The following ART3 variants were observed in gnomAD, a reference collection of about 807,000 sequenced individuals.
ART3 encodes ecto-ADP-ribosyltransferase 3.
ART3 carries 49 observed loss-of-function variants against 48.5 expected under a neutral mutation model. The observed-to-expected ratio is 1.01, with a 90% CI of 0.80 to 1.28. ART3 has a LOEUF of 1.28. ART3 is among the 50% of genes most tolerant of loss of function. The pLI is 0.00. For synonymous variants in ART3, 145 were observed against 157.2 expected, an observed-to-expected ratio of 0.92 and a Z score of 0.58; for missense variants, 438 against 454.3, an observed-to-expected ratio of 0.96 and a Z score of 0.33.
chr4:76,066,955 A>G (rs1479847337), intron 1 of ART3, among the ~76,000 whole-genome samples: 1 of 152,112 alleles, frequency 6.6e-6, no homozygotes, highest in Non-Finnish European at 1.5e-5. Context: ...CCAAGAGTGC[A>G]GGGATACCTG....
In ART3 at chr4:76,046,154, G is replaced by A. The variant is rs190432401; in HGVS notation, c.-9-29727G>A. Among the ~76,000 whole-genome samples, 29 of 152,138 alleles carry A rather than the reference G, an allele frequency of 1.9e-4. No homozygotes were observed. In the East Asian group the frequency reaches 5.6e-3, roughly 29 times the overall value. The stretch of plus-strand genomic sequence containing the variant: ...GGCCAGTGCCTGACCAAACAGATGA[G>A]GGCTATCCCTAAACCCTTGGGGCAA... On this transcript the variant is annotated intron_variant, in intron 1 of 9. Transcript: ENST00000341029.
rs374553161 is a variant in ART3, at chr4:76,080,677, AT to A, written c.70-1142del. 1.9e-3 allele frequency among the ~76,000 whole-genome samples: 281 copies of A among 151,326 alleles called. 1 individual carries two copies. Among genetic ancestry groups the A allele is most frequent in the African/African-American group, 6.5e-3 (266 of 41,142 alleles). On this transcript the variant is annotated intron_variant, in intron 2 of 11. Transcript: ENST00000355810. ...AGGCGCCTGCCACTACGCTCAGCTA[AT>A]TTTTGTATTTTTAGTAGAGATGGGG...
chr4:76,031,676 C>G lies in ART3; in HGVS notation c.-10+20356C>G, dbSNP rs142744595. Among the ~76,000 whole-genome samples the G allele has an allele frequency of 2.1e-3, 323 of 152,322 alleles. 5 individuals carry two copies. The highest frequency in any genetic ancestry group is 6.8e-3 in the Middle Eastern group (2 of 294). ...AAAAATCACTTTATACTTCCTACTACTGTACATTCCCTTGTGTCATTCCTC... is the reference window on the plus strand; with the variant it reads ...AAAAATCACTTTATACTTCCTACTAGTGTACATTCCCTTGTGTCATTCCTC... On this transcript the variant is annotated intron_variant, in intron 1 of 9. Coordinates refer to the ART3 transcript ENST00000341029.
At chr4:76,021,078 A>C (rs1732761145) in intron 1 of ART3, 1 of 152,218 alleles carries the variant, frequency 6.6e-6, no homozygotes, top group Non-Finnish European at 1.5e-5. Flanking sequence ...TTTCTTATGA[A>C]ATAAATATCC....
chr4:76,047,904 C>A (rs6816898), intron 1 of ART3, among the ~76,000 whole-genome samples: 89,651 of 151,622 alleles, frequency 0.59, 27,651 homozygotes, highest in East Asian at 0.94. Context: ...CTGTGTACCT[C>A]TCAGGATCAT....
At chr4:76,025,061 G>A (rs1345244937) in intron 1 of ART3, among the ~76,000 whole-genome samples, 1 of 152,162 alleles carries the variant, frequency 6.6e-6, no homozygotes, top group Non-Finnish European at 1.5e-5. Flanking sequence ...AAGTGAATAA[G>A]TCAGTGGAAT....
At chr4:76,031,639 A>G (rs981929737) in intron 1 of ART3, among the ~76,000 whole-genome samples, 1 of 152,224 alleles carries the variant, frequency 6.6e-6, no homozygotes, top group Admixed American at 6.5e-5. Context: ...AACGAATCTA[A>G]TTATGATTCC....
chr4:76,049,420 G>A lies in ART3; in HGVS notation c.-9-26461G>A, dbSNP rs183593678. ...CCGCAGGGTCAGCCAACATGTTGTCGGGACCTTGGAGCTGCATGGCTTTCC... is the reference window on the plus strand; with the variant it reads ...CCGCAGGGTCAGCCAACATGTTGTCAGGACCTTGGAGCTGCATGGCTTTCC... On this transcript the variant is annotated intron_variant, in intron 1 of 9. Coordinates refer to the ART3 transcript ENST00000341029. Among the ~76,000 whole-genome samples the A allele has an allele frequency of 1.1e-3, 164 of 151,866 alleles. 5 individuals are homozygous for A. Among genetic ancestry groups the A allele is most frequent in the African/African-American group, 3.6e-3 (151 of 41,498 alleles).
At chr4:76,087,636 G>A (rs1723903861) in intron 3 of ART3, among the ~76,000 whole-genome samples, 1 of 152,156 alleles carries the variant, frequency 6.6e-6, no homozygotes, top group African/African-American at 2.4e-5. Flanking sequence ...ACTTGCCTGT[G>A]ATTTCCAAGA....
At chr4:76,089,623 A>G (rs778589487) in intron 3 of ART3, among the ~76,000 whole-genome samples, 1 of 152,170 alleles carries the variant, frequency 6.6e-6, no homozygotes, top group Non-Finnish European at 1.5e-5. Flanking sequence ...TAAATTACCC[A>G]GTCTCAGATA....
intron 8 of ART3, 82 bp from the exon 9 acceptor site, chr4:76,103,855 T>G: frequency 8.5e-7 from 1 of 1,172,278 alleles, no homozygotes; most frequent in Non-Finnish European, 1.2e-6. Flanking sequence ...AAGTTGGAAA[T>G]GGAGGAAATA....
At chr4:76,043,647 T>G (rs1391040622) in intron 1 of ART3, among the ~76,000 whole-genome samples, 3 of 151,810 alleles carry the variant, frequency 2.0e-5, no homozygotes, top group Non-Finnish European at 4.4e-5. Context: ...TGCGCAGCCC[T>G]GGTTCCCACT....
At chr4:76,104,495 G>T (rs1728038315) in intron 9 of ART3, 102 bp from the exon 10 acceptor site, 1 of 1,536,568 alleles carries the variant, frequency 6.5e-7, no homozygotes, top group African/African-American at 1.4e-5. Context: ...TAGTGCATTG[G>T]GGCCTTGGGT....
intron 2 of ART3, among the ~76,000 whole-genome samples, chr4:76,078,176 A>G (rs1355892801): frequency 6.6e-6 from 1 of 151,966 alleles, no homozygotes; most frequent in East Asian, 1.9e-4. Context: ...GTCCCTGAAT[A>G]GTGGTGGCAT....
chr4:76,034,334 G>A (rs1578251912), intron 1 of ART3: 2 of 403,244 alleles, frequency 5.0e-6, no homozygotes, highest in Non-Finnish European at 8.7e-6. Flanking sequence ...ACCACAGATA[G>A]TAATATAGCA....
chr4:76,109,622 G>A (rs1729104372), intron 11 of ART3, among the ~76,000 whole-genome samples: 1 of 152,152 alleles, frequency 6.6e-6, no homozygotes, highest in Non-Finnish European at 1.5e-5. Flanking sequence ...CAGTGCAGTA[G>A]GTTTATTTAC....
At chr4:76,077,384 C>T (rs978271188) in intron 2 of ART3, among the ~76,000 whole-genome samples, 4 of 152,082 alleles carry the variant, frequency 2.6e-5, no homozygotes, top group African/African-American at 2.4e-5. Flanking sequence ...ATTTTATGGC[C>T]GTACCGCATC....
chr4:76,012,184 G>A (rs763097883), intron 1 of ART3: 1 of 152,154 alleles, frequency 6.6e-6, no homozygotes, highest in African/African-American at 2.4e-5. Flanking sequence ...AATCTTTTTG[G>A]TTGTGGAATC....
Position 76,112,590 on chromosome 4 carries a change from AATG to A in ART3, c.*75_*77del, listed in dbSNP as rs1729697144. The A allele has an allele frequency of 2.7e-5, 39 of 1,463,656 alleles. 2 individuals carry two copies. The South Asian group carries it at 5.1e-4, about 19-fold the overall frequency. 90.7% of individuals were successfully genotyped at this position (1,463,656 alleles called of 1,614,324 possible). ...TAGGGATCCACAGGAGATCAAAAGG[AATG>A]ATGTATTTTTTACGTGTTGGCCAAA... On this transcript the variant is annotated 3_prime_UTR_variant, in exon 12 of 12. Transcript: ENST00000355810.
Sources: gnomAD v4.1 joint callset for allele counts (sites outside exome capture counted in the v4.1 genomes callset) on GRCh38, gnomAD v4.1.1 for gene constraint, MANE v1.5 for transcripts, NCBI Gene and HGNC (gene_info 2026-07-23, HGNC 2026-07-21) for gene names.